The following CLYBL variants were observed in gnomAD, a reference collection of about 807,000 sequenced individuals.
The protein encoded by CLYBL is citramalyl-CoA lyase, mitochondrial.
Under a neutral mutation model 38.9 loss-of-function variants are expected in CLYBL, and 31 were observed. The observed-to-expected ratio is 0.80, with a 90% CI of 0.60 to 1.08. CLYBL has a LOEUF of 1.08. Among genes scored for constraint, CLYBL ranks in the 50% least tolerant of loss-of-function variants. The pLI is 0.00. For missense variants in CLYBL, 434 were observed against 411.6 expected (o/e 1.05, Z -0.47); for synonymous variants, 171 against 158.6 (o/e 1.08, Z -0.59).
intron 1 of CLYBL, among the ~76,000 whole-genome samples, chr13:99,632,111 C>A (rs1490276568): frequency 6.6e-6 from 1 of 152,156 alleles, no homozygotes; most frequent in African/African-American, 2.4e-5. Context: ...GAGGTAGAAA[C>A]TGGCAGAGCT....
rs1201611452 is a variant in CLYBL, at chr13:99,832,999, CATACATACATAT to C, written c.250-25858_250-25847del. Among the ~76,000 whole-genome samples the C allele has an allele frequency of 3.0e-3, 162 of 53,694 alleles. 15 individuals are homozygous for C. Among genetic ancestry groups the C allele is most frequent in the Non-Finnish European group, 4.5e-3 (125 of 27,722 alleles). 35.2% of individuals were successfully genotyped at this position (53,694 alleles called of 152,430 possible). A position where few individuals can be genotyped will look rare whatever the true frequency, so the allele number is the denominator to read the frequency against. The stretch of plus-strand genomic sequence containing the variant: ...CATTTCATTAAGTAGTATATACATA[CATACATACATAT>C]ATATATATATATATATATATTTTTT... On this transcript the variant is annotated intron_variant, in intron 2 of 8. Coordinates refer to ENST00000339105, the MANE Select transcript of CLYBL (RefSeq NM_206808.5).
chr13:99,837,800 G>GAAGC (rs1423072575), intron 2 of CLYBL, among the ~76,000 whole-genome samples: 2 of 149,842 alleles, frequency 1.3e-5, no homozygotes, highest in African/African-American at 5.1e-5. Context: ...GGAGCCTTTA[G>GAAGC]AAGCACGTGT....
At chr13:99,690,587 A>G (rs1342100846) in intron 1 of CLYBL, 5 of 152,096 alleles carry the variant, frequency 3.3e-5, no homozygotes, top group Admixed American at 1.3e-4. Flanking sequence ...TTCCGGTTCT[A>G]TTTATCTTCA....
chr13:99,901,850 G>A (rs2152137881), downstream of CLYBL, among the ~76,000 whole-genome samples: 1 of 152,080 alleles, frequency 6.6e-6, no homozygotes, highest in Admixed American at 6.5e-5. Flanking sequence ...AGTAGAGACG[G>A]GGTTTCATCA....
intron 1 of CLYBL, among the ~76,000 whole-genome samples, chr13:99,613,849 C>T (rs143942125): frequency 6.6e-5 from 10 of 152,128 alleles, no homozygotes; most frequent in Admixed American, 3.9e-4. Context: ...TTCAGTTGCC[C>T]AAATGCATGG....
intron 1 of CLYBL, among the ~76,000 whole-genome samples, chr13:99,641,823 T>A: frequency 6.6e-6 from 1 of 151,378 alleles, no homozygotes; most frequent in Admixed American, 6.6e-5. Flanking sequence ...AAAAAAAAAA[T>A]AGTCCAACAC....
chr13:99,623,914 G>A (rs1213157453), intron 1 of CLYBL, among the ~76,000 whole-genome samples: 8 of 148,300 alleles, frequency 5.4e-5, no homozygotes, highest in African/African-American at 1.8e-4. Context: ...AGCCGAGATC[G>A]TGCCACTGCA....
At chr13:99,789,682 G>A (rs1200402050) in intron 2 of CLYBL, among the ~76,000 whole-genome samples, 2 of 152,178 alleles carry the variant, frequency 1.3e-5, no homozygotes, top group Non-Finnish European at 1.5e-5. Context: ...CTGTTGATTT[G>A]GGGTGGAGAG....
chr13:99,747,240 C>T (rs2048868585), intron 1 of CLYBL, among the ~76,000 whole-genome samples: 1 of 100,200 alleles, frequency 1.0e-5, no homozygotes, highest in African/African-American at 3.6e-5. Context: ...TGCTCCCTTT[C>T]TTTTCCTCCT....
intron 1 of CLYBL, among the ~76,000 whole-genome samples, chr13:99,697,760 T>C (rs913496866): frequency 6.7e-6 from 1 of 148,356 alleles, no homozygotes; most frequent in African/African-American, 2.5e-5. Flanking sequence ...AGATCTCATG[T>C]CTCAGCCTCT....
intron 1 of CLYBL, among the ~76,000 whole-genome samples, chr13:99,760,576 T>C (rs930442796): frequency 6.6e-6 from 1 of 152,248 alleles, no homozygotes; most frequent in Non-Finnish European, 1.5e-5. Context: ...GACATAGGAT[T>C]CCTAGCTGAC....
intron 2 of CLYBL, among the ~76,000 whole-genome samples, chr13:99,782,669 A>G (rs767407073): frequency 1.1e-4 from 16 of 152,138 alleles, no homozygotes; most frequent in Non-Finnish European, 2.1e-4. Flanking sequence ...AAAATGTGAC[A>G]AAGTGTGGAT....
intron 1 of CLYBL, among the ~76,000 whole-genome samples, chr13:99,662,590 A>C (rs1159676555): frequency 1.3e-5 from 1 of 78,120 alleles, no homozygotes; most frequent in African/African-American, 5.0e-5. Context: ...CTTTTTTTTT[A>C]TTAGTATTAC....
intron 1 of CLYBL, among the ~76,000 whole-genome samples, chr13:99,679,076 C>T (rs554556287): frequency 5.3e-5 from 8 of 152,116 alleles, no homozygotes; most frequent in African/African-American, 1.2e-4. Context: ...GGGCAGATCA[C>T]GAGGTCAGGA....
chr13:99,875,861 CT>C (rs2139275312), intron 7 of CLYBL, among the ~76,000 whole-genome samples: 1 of 152,210 alleles, frequency 6.6e-6, no homozygotes, highest in Non-Finnish European at 1.5e-5. Flanking sequence ...AGTAATTGCA[CT>C]TTTCTCTTTA....
chr13:99,898,765 C>T (rs188526711), downstream of CLYBL, among the ~76,000 whole-genome samples: 337 of 152,346 alleles, frequency 2.2e-3, 1 homozygote, highest in Admixed American at 7.6e-3. Context: ...CCTGAGAGAT[C>T]CTCCCAGCTC....
At chr13:99,759,228 T>A (rs891162999) in intron 1 of CLYBL, among the ~76,000 whole-genome samples, 1 of 152,124 alleles carries the variant, frequency 6.6e-6, no homozygotes, top group African/African-American at 2.4e-5. Context: ...GCAATAAAGA[T>A]AAATAAGAAG....
chr13:99,815,662 G>A (rs1345955418), intron 2 of CLYBL, among the ~76,000 whole-genome samples: 2 of 152,158 alleles, frequency 1.3e-5, no homozygotes, highest in Middle Eastern at 3.2e-3. Flanking sequence ...GAGGCAGGCG[G>A]ATCACTTGAG....
At chr13:99,693,597 G>C (rs2047939022) in intron 1 of CLYBL, among the ~76,000 whole-genome samples, 1 of 151,928 alleles carries the variant, frequency 6.6e-6, no homozygotes, top group Non-Finnish European at 1.5e-5. Context: ...CGTTAAGAGA[G>C]ATTATTTTAA....
Sources: gnomAD v4.1 joint callset for allele counts (sites outside exome capture counted in the v4.1 genomes callset) on GRCh38, gnomAD v4.1.1 for gene constraint, MANE v1.5 for transcripts, NCBI Gene and HGNC (gene_info 2026-07-23, HGNC 2026-07-21) for gene names.